The following CDH18 variants were observed in gnomAD, a reference collection of about 807,000 sequenced individuals.
CDH18 encodes cadherin 18, also known as cadherin-18.
CDH18 carries 31 observed loss-of-function variants against 67.9 expected under a neutral mutation model. The observed-to-expected ratio is 0.46, with a 90% confidence interval of 0.34 to 0.62. The LOEUF (loss-of-function observed/expected upper bound fraction) is 0.62. Among genes scored for constraint, CDH18 ranks in the 20% least tolerant of loss-of-function variants. The probability of loss-of-function intolerance (pLI) is 0.01; values close to 1 mark genes in which losing one functional copy is unlikely to be tolerated. For synonymous variants in CDH18, 362 were observed against 347.2 expected (o/e 1.04, Z -0.48); for missense variants, 890 against 975.5 (o/e 0.91, Z 1.17).
At chr5:20,535,727 G>A (rs148189031) in intron 1 of CDH18, among the ~76,000 whole-genome samples, 208 of 152,200 alleles carry the variant, frequency 1.4e-3, no homozygotes, top group African/African-American at 4.4e-3. Context: ...GAATTCTGAT[G>A]ATTCTTTTTC....
chr5:19,498,151 T>C (rs190475218), intron 11 of CDH18, among the ~76,000 whole-genome samples: 1 of 152,158 alleles, frequency 6.6e-6, no homozygotes, highest in Admixed American at 6.5e-5. Flanking sequence ...TAAGAAAACA[T>C]GCCCAATCTC....
At position 20,546,307 on chromosome 5, in the gene CDH18, C is replaced by T. The variant is rs537066778; in HGVS notation, c.-580+29155G>A. 3.3e-5 allele frequency among the ~76,000 whole-genome samples: 5 copies of T among 152,276 alleles called. No individual in the cohort carries two copies. The East Asian group carries it at 9.7e-4, about 29-fold the overall frequency. On this transcript the variant is annotated intron_variant, in intron 1 of 14. Coordinates refer to the CDH18 transcript ENST00000507958. The stretch of plus-strand genomic sequence containing the variant: ...TTTCAACTCTGCCTGTTACCCAGTT[C>T]CAAACTCATTTCCACATTTTCAGGT...
chr5:20,307,926 A>G (rs1580717412), intron 1 of CDH18, among the ~76,000 whole-genome samples: 1 of 152,268 alleles, frequency 6.6e-6, no homozygotes, highest in Non-Finnish European at 1.5e-5. Context: ...TTTCACATAT[A>G]TGAACATTAA....
chr5:19,639,231 T>C (rs1753689711), intron 5 of CDH18, among the ~76,000 whole-genome samples: 1 of 151,916 alleles, frequency 6.6e-6, no homozygotes, highest in Non-Finnish European at 1.5e-5. Context: ...CTCTATCTCC[T>C]AATCTCGTGA....
chr5:19,897,876 TA>T (rs1192649577), intron 2 of CDH18, among the ~76,000 whole-genome samples: 1 of 152,044 alleles, frequency 6.6e-6, no homozygotes, highest in Non-Finnish European at 1.5e-5. Flanking sequence ...AGGAACCTTG[TA>T]GGGGGTGAAC....
At position 20,287,422 on chromosome 5, in the gene CDH18, G is replaced by A. The variant is rs185941358; in HGVS notation, c.-579-31917C>T. On this transcript the variant is annotated intron_variant, in intron 1 of 14. Transcript: ENST00000507958. ...GCCTCCTTTTTCCATAGGTTCCTAA[G>A]ATTTGATATTTCATAACTTTTCTGT... Among the ~76,000 whole-genome samples the A allele has an allele frequency of 1.0e-3, 155 of 151,728 alleles. 1 individual carries two copies. The highest frequency in any genetic ancestry group is 3.6e-3 in the African/African-American group (149 of 41,508).
At chr5:19,849,547 T>G (rs1439616128) in intron 2 of CDH18, among the ~76,000 whole-genome samples, 1 of 151,200 alleles carries the variant, frequency 6.6e-6, no homozygotes. Context: ...TTTGTTAATA[T>G]TTATGTACCA....
At chr5:19,973,614 A>G (rs1346302009) in intron 2 of CDH18, among the ~76,000 whole-genome samples, 1 of 152,188 alleles carries the variant, frequency 6.6e-6, no homozygotes, top group Non-Finnish European at 1.5e-5. Context: ...GTGATGGAGA[A>G]CTACTTTAGG....
intron 2 of CDH18, among the ~76,000 whole-genome samples, chr5:20,173,628 A>G (rs901570792): frequency 6.6e-6 from 1 of 152,164 alleles, no homozygotes; most frequent in African/African-American, 2.4e-5. Flanking sequence ...TGACTAGAGT[A>G]TGTAGATTAG....
intron 10 of CDH18, among the ~76,000 whole-genome samples, chr5:19,510,529 A>G (rs1012327247): frequency 1.3e-5 from 2 of 152,202 alleles, no homozygotes; most frequent in Non-Finnish European, 2.9e-5. Context: ...AGCTAAATGT[A>G]TAGTGTTTTA....
At chr5:20,310,310 ATC>A (rs1486278226) in intron 1 of CDH18, among the ~76,000 whole-genome samples, 1 of 152,208 alleles carries the variant, frequency 6.6e-6, no homozygotes. Context: ...TGTAAAATAT[ATC>A]TGTGTTGTTT....
chr5:20,478,812 T>G (rs539962456), intron 1 of CDH18, among the ~76,000 whole-genome samples: 1 of 152,318 alleles, frequency 6.6e-6, no homozygotes, highest in African/African-American at 2.4e-5. Context: ...TTCAATGCTA[T>G]GCTGGCTTTG....
chr5:20,073,435 T>C (rs1580176713), intron 2 of CDH18, among the ~76,000 whole-genome samples: 1 of 152,068 alleles, frequency 6.6e-6, no homozygotes, highest in East Asian at 1.9e-4. Context: ...AATGTTTCAC[T>C]GCATTTTGAA....
At chr5:19,859,338 A>ACCCT (rs1369295327) in intron 2 of CDH18, among the ~76,000 whole-genome samples, 1 of 152,080 alleles carries the variant, frequency 6.6e-6, no homozygotes, top group Non-Finnish European at 1.5e-5. Context: ...ATTCCAGCTG[A>ACCCT]CCCTAGTATA....
intron 2 of CDH18, among the ~76,000 whole-genome samples, chr5:20,166,771 C>G (rs1017428800): frequency 3.3e-5 from 5 of 152,118 alleles, no homozygotes; most frequent in African/African-American, 1.2e-4. Context: ...CTTTTGTTAA[C>G]CCTTTCTTCT....
intron 1 of CDH18, among the ~76,000 whole-genome samples, chr5:20,481,856 A>C (rs571224738): frequency 1.3e-5 from 2 of 152,226 alleles, no homozygotes; most frequent in African/African-American, 4.8e-5. Flanking sequence ...ACAGTAGAAA[A>C]ACTTCAAATG....
intron 1 of CDH18, among the ~76,000 whole-genome samples, chr5:20,306,718 T>C (rs1016959480): frequency 6.6e-6 from 1 of 152,240 alleles, no homozygotes; most frequent in Non-Finnish European, 1.5e-5. Flanking sequence ...CACAAAGGTA[T>C]GTTTTTAACA....
At chr5:20,279,163 A>G (rs772627758) in intron 1 of CDH18, among the ~76,000 whole-genome samples, 5 of 152,098 alleles carry the variant, frequency 3.3e-5, no homozygotes, top group Non-Finnish European at 7.4e-5. Flanking sequence ...AAAAAACCAC[A>G]CATTACAAAG....
intron 1 of CDH18, among the ~76,000 whole-genome samples, chr5:20,561,865 A>G (rs933007619): frequency 1.3e-5 from 2 of 151,952 alleles, no homozygotes; most frequent in African/African-American, 4.8e-5. Flanking sequence ...TGTCTTCATT[A>G]TTAATTTATT....
Sources: allele counts gnomAD v4.1 joint callset (sites outside exome capture counted in the v4.1 genomes callset), GRCh38; gene constraint gnomAD v4.1.1; transcripts MANE v1.5; gene names NCBI Gene and HGNC (gene_info 2026-07-23, HGNC 2026-07-21).